PDLIM7: variants seen among roughly 807,000 people sequenced by gnomAD.
The protein encoded by PDLIM7 is PDZ and LIM domain protein 7.
In PDLIM7, 37 loss-of-function variants were observed where a neutral mutation model predicts 53.9. The ratio of observed to expected loss-of-function variants is 0.69; its 90% confidence interval spans 0.53 to 0.90. PDLIM7 has a LOEUF of 0.90. Ranked by LOEUF, PDLIM7 falls within the 40% of genes least tolerant of loss-of-function variation. PDLIM7 has a pLI of 0.00. For synonymous variants in PDLIM7, 300 were observed against 261.3 expected, an observed-to-expected ratio of 1.15 and a Z score of -1.43; for missense variants, 617 against 638.5, an observed-to-expected ratio of 0.97 and a Z score of 0.36.
intron 10 of PDLIM7, 64 bp from the exon 11 acceptor site, chr5:177,484,254 A>C (rs1758325591): frequency 6.3e-7 from 1 of 1,592,406 alleles, no homozygotes; most frequent in East Asian, 2.2e-5. Context: ...GGGTCACGGG[A>C]ACACAGGAGG....
intron 4 of PDLIM7, 88 bp downstream of exon 4, chr5:177,492,317 G>A: frequency 1.3e-6 from 2 of 1,513,940 alleles, no homozygotes. Context: ...CAGGGATTGG[G>A]GTACCGAGAA....
intron 7 of PDLIM7, chr5:177,490,390 G>T: frequency 6.7e-7 from 1 of 1,483,166 alleles, no homozygotes; most frequent in South Asian, 1.3e-5. Context: ...CCAGGGGCAC[G>T]AAAGGGGGGG....
At chr5:177,486,344 C>A (rs1758437471) in intron 10 of PDLIM7, among the ~76,000 whole-genome samples, 1 of 152,222 alleles carries the variant, frequency 6.6e-6, no homozygotes, top group African/African-American at 2.4e-5. Flanking sequence ...TCCACAACAC[C>A]TGTACCCCAT....
intron 9 of PDLIM7, 21 bp downstream of exon 9, chr5:177,489,372 G>A (rs368419094): frequency 7.9e-6 from 12 of 1,514,674 alleles, no homozygotes; most frequent in African/African-American, 6.8e-5. Context: ...AGCCAGGGTC[G>A]GACAGGAACA....
chr5:177,490,712 G>GGGGA, intron 7 of PDLIM7, 158 bp downstream of exon 7: 1 of 629,994 alleles, frequency 1.6e-6, no homozygotes, highest in Non-Finnish European at 2.6e-6. Flanking sequence ...GAAGGAGGAA[G>GGGGA]GGAAGGAAGG....
At chr5:177,489,964 C>T (rs751587015) in intron 7 of PDLIM7, 132 bp from the exon 8 acceptor site, 145 of 1,536,228 alleles carry the variant, frequency 9.4e-5, no homozygotes, top group Non-Finnish European at 7.0e-6. Context: ...TTCCAGGTCC[C>T]ACTGGGGTAG....
In PDLIM7 at chr5:177,490,320, G is replaced by A. The variant is rs553121690; in HGVS notation, c.573-488C>T. On this transcript the variant is annotated intron_variant, in intron 7 of 12. Transcript: ENST00000355841. The stretch of plus-strand genomic sequence containing the variant: ...ACAGCAGTACCACAGGGCAAAGAGG[G>A]AAGGCAGTGTCAGATGAACCCAGGT... The A allele has an allele frequency of 3.3e-5, 48 of 1,446,624 alleles. 1 individual carries two copies. In the South Asian group the frequency reaches 6.3e-4, roughly 19 times the overall value. The allele number at this position is 1,446,624 out of a possible 1,614,324, so 89.6% of individuals were successfully genotyped here.
At chr5:177,493,567 G>A (rs968941345) in intron 2 of PDLIM7, among the ~76,000 whole-genome samples, 3 of 152,342 alleles carry the variant, frequency 2.0e-5, no homozygotes, top group African/African-American at 4.8e-5. Context: ...GAATGCCAGG[G>A]GAAGGGACCA....
Position 177,491,926 on chromosome 5 carries a change from C to A in PDLIM7, c.280-1G>T. On this transcript the variant is annotated splice_acceptor_variant, in intron 4 of 12. Transcript: ENST00000355841. LOFTEE classifies it high-confidence loss of function. ...GAGGGTCCGCGGCGGGGGCGGAGGC[C>A]TGGGCAGAGACACAGCCGGGCAGGG... The A allele has an allele frequency of 1.9e-6, 1 of 520,536 alleles. No individual in the cohort carries two copies. Among genetic ancestry groups the A allele is most frequent in the Non-Finnish European group, 2.6e-6 (1 of 391,292 alleles). The allele number at this position is 520,536 out of a possible 1,614,324, so 32.2% of individuals were successfully genotyped here.
At chr5:177,491,434 AAGAC>A (rs762582918) in intron 5 of PDLIM7, 59 of 1,547,600 alleles carry the variant, frequency 3.8e-5, no homozygotes, top group South Asian at 1.8e-4. Context: ...TGAAGGAAAT[AAGAC>A]AGACAGACAG....
chr5:177,492,191 C>A, intron 4 of PDLIM7: 1 of 645,868 alleles, frequency 1.5e-6, no homozygotes, highest in Non-Finnish European at 2.6e-6. Flanking sequence ...AGCAGGCGGA[C>A]AGACAGGCGG....
At chr5:177,484,545 A>C in intron 10 of PDLIM7, 2 of 250,890 alleles carry the variant, frequency 8.0e-6, no homozygotes, top group South Asian at 4.8e-5. Context: ...AGTGGGGCCC[A>C]CCCCCAAGGC....
At chr5:177,496,346 C>G (rs1759069380) in intron 2 of PDLIM7, 71 bp downstream of exon 2, 1 of 1,177,176 alleles carries the variant, frequency 8.5e-7, no homozygotes, top group Non-Finnish European at 1.2e-6. Flanking sequence ...TTAGGACTCC[C>G]CCCATCACCC....
At chr5:177,492,212 G>A (rs957369476) in intron 4 of PDLIM7, 193 bp downstream of exon 4, 15 of 678,178 alleles carry the variant, frequency 2.2e-5, no homozygotes, top group African/African-American at 5.5e-5. Context: ...ACAGACAGGC[G>A]GACATGCGTG....
Position 177,489,752 on chromosome 5 carries a change from C to T in PDLIM7, c.634+19G>A, listed in dbSNP as rs759188481. ...GAGGCTGCCCACCCTTGCCCAGGCC[C>T]GAGCCCACTCCCTCTCACCAGGCCA... is the stretch of plus-strand genomic sequence containing the variant. On this transcript the variant is annotated intron_variant, in intron 8 of 12. Transcript: ENST00000355841. 93 of 1,522,582 alleles carry T rather than the reference C, an allele frequency of 6.1e-5. No homozygotes were observed. Among genetic ancestry groups the T allele is most frequent in the African/African-American group, 1.4e-4 (10 of 73,104 alleles). 94.3% of individuals were successfully genotyped at this position (1,522,582 alleles called of 1,614,324 possible).
At chr5:177,497,219 A>G (rs994985108) in intron 1 of PDLIM7, among the ~76,000 whole-genome samples, 1 of 151,926 alleles carries the variant, frequency 6.6e-6, no homozygotes, top group Non-Finnish European at 1.5e-5. Flanking sequence ...TCCTTCCCCG[A>G]GCCCAGTGGG....
chr5:177,490,756 A>AT, intron 7 of PDLIM7, 114 bp downstream of exon 7: 2 of 946,600 alleles, frequency 2.1e-6, no homozygotes, highest in South Asian at 2.8e-5. Flanking sequence ...GAAGGAAGGA[A>AT]GGAAGGAAGG....
chr5:177,490,679 A>G (rs1758708757), intron 7 of PDLIM7, 191 bp downstream of exon 7: 1 of 903,808 alleles, frequency 1.1e-6, no homozygotes, highest in African/African-American at 1.7e-5. Context: ...GGAAGGAGGG[A>G]GGGAAGAAAT....
chr5:177,496,784 C>T, intron 1 of PDLIM7: 1 of 270,924 alleles, frequency 3.7e-6, no homozygotes, highest in Non-Finnish European at 7.0e-6. Flanking sequence ...GCTTGAGGTT[C>T]TTTGCAACCA....
Sources: allele counts gnomAD v4.1 joint callset (sites outside exome capture counted in the v4.1 genomes callset), GRCh38; gene constraint gnomAD v4.1.1; transcripts MANE v1.5; gene names NCBI Gene and HGNC (gene_info 2026-07-23, HGNC 2026-07-21).